The following EPCAM variants were observed in gnomAD, a reference collection of about 807,000 sequenced individuals.
EPCAM encodes adenocarcinoma-associated antigen.
In EPCAM, 39 loss-of-function variants were observed where a neutral mutation model predicts 40.0. The ratio of observed to expected loss-of-function variants is 0.98; its 90% CI spans 0.76 to 1.27. EPCAM has a LOEUF of 1.27. Among genes scored for constraint, EPCAM ranks in the 50% most tolerant of loss-of-function variants. The pLI is 0.00. For missense variants in EPCAM, 503 were observed against 381.2 expected (o/e 1.32, Z -2.66); for synonymous variants, 168 against 132.3 (o/e 1.27, Z -1.85).
chr2:47,379,131 C>A, intron 6 of EPCAM, 77 bp downstream of exon 6: 3 of 853,928 alleles, frequency 3.5e-6, no homozygotes, highest in East Asian at 4.9e-5. Context: ...TATTTCATCA[C>A]CTTTTTATCC....
At chr2:47,375,134 T>C in intron 3 of EPCAM, 100 bp from the exon 4 acceptor site, 1 of 872,634 alleles carries the variant, frequency 1.1e-6, no homozygotes, top group Non-Finnish European at 1.9e-6. Context: ...ATTTTTTTTC[T>C]CTTAGTCCTT....
intron 6 of EPCAM, 22 bp downstream of exon 6, chr2:47,379,076 C>G (rs1260678724): frequency 3.2e-6 from 4 of 1,239,506 alleles, no homozygotes; most frequent in Non-Finnish European, 4.8e-6. Flanking sequence ...CTTCTTTATT[C>G]CTGTGTTCAG....
At chr2:47,376,917 A>G in intron 4 of EPCAM, 97 bp from the exon 5 acceptor site, 1 of 769,978 alleles carries the variant, frequency 1.3e-6, no homozygotes, top group South Asian at 1.5e-5. Context: ...CTTTAATGAC[A>G]GTTTTAGACC....
intron 7 of EPCAM, among the ~76,000 whole-genome samples, chr2:47,381,222 C>G (rs1671580152): frequency 6.7e-6 from 1 of 150,116 alleles, no homozygotes; most frequent in African/African-American, 2.4e-5. Context: ...CGTGGAGAAA[C>G]CCCATCTCTA....
chr2:47,378,782 A>G (rs1573399112), intron 5 of EPCAM, among the ~76,000 whole-genome samples, 171 bp from the exon 6 acceptor site: 1 of 152,178 alleles, frequency 6.6e-6, no homozygotes, highest in African/African-American at 2.4e-5. Context: ...GAGACCTCCC[A>G]AAGATTTCTT....
chr2:47,369,727 C>A, intron 1 of EPCAM, 146 bp downstream of exon 1: 1 of 893,168 alleles, frequency 1.1e-6, no homozygotes, highest in Non-Finnish European at 1.8e-6. Flanking sequence ...TGCGGCCGTG[C>A]TCCGGCTCAG....
chr2:47,377,723 A>G, intron 5 of EPCAM: 1 of 424,204 alleles, frequency 2.4e-6, no homozygotes, highest in Non-Finnish European at 4.7e-6. Flanking sequence ...ACTTTTGGTA[A>G]ATACAGTTTT....
rs1671348919 is a variant in EPCAM, at chr2:47,373,822, T to C, written c.199T>C (p.Leu67=). ...TTCTTTTTCAGTGGCTGCCAAATGT[T>C]TGGTGATGAAGGCAGAAATGAATGG... ...VICSKLAAKC[L]VMKAEMNGSK... Residue 67 remains leucine, a synonymous_variant, in exon 3 of 9, where the codon TTG becomes CTG. Coordinates refer to ENST00000263735, the MANE Select transcript of EPCAM (RefSeq NM_002354.3). 6.2e-7 allele frequency: 1 copy of C among 1,614,154 alleles called. No individual in the cohort carries two copies. Among genetic ancestry groups the C allele is most frequent in the East Asian group, 2.2e-5 (1 of 44,880 alleles).
At chr2:47,376,542 G>A (rs551917857) in intron 4 of EPCAM, among the ~76,000 whole-genome samples, 1 of 152,248 alleles carries the variant, frequency 6.6e-6, no homozygotes, top group South Asian at 2.1e-4. Context: ...TTACAGGCAT[G>A]AGCCACCTCA....
chr2:47,377,426 G>A (rs1671455650), intron 5 of EPCAM, among the ~76,000 whole-genome samples: 1 of 151,834 alleles, frequency 6.6e-6, no homozygotes, highest in African/African-American at 2.4e-5. Flanking sequence ...TAGTGTCGGC[G>A]GGGTTTTGCT....
intron 1 of EPCAM, among the ~76,000 whole-genome samples, chr2:47,371,517 G>T (rs1040147090): frequency 1.1e-4 from 17 of 152,202 alleles, no homozygotes; most frequent in African/African-American, 3.9e-4. Flanking sequence ...CAATGGAGTG[G>T]CCTAAATTCA....
At chr2:47,373,409 C>A in intron 1 of EPCAM, 54 bp from the exon 2 acceptor site, 1 of 1,082,546 alleles carries the variant, frequency 9.2e-7, no homozygotes, top group Non-Finnish European at 1.4e-6. Context: ...TTAGCTGGGA[C>A]ATGAGAGTTA....
At chr2:47,373,008 C>G (rs1183592586) in intron 1 of EPCAM, among the ~76,000 whole-genome samples, 5 of 151,770 alleles carry the variant, frequency 3.3e-5, no homozygotes, top group African/African-American at 1.2e-4. Context: ...GAGTTCAAAA[C>G]CAGCCTGGGC....
intron 7 of EPCAM, among the ~76,000 whole-genome samples, chr2:47,382,576 C>T (rs927785070): frequency 7.2e-5 from 11 of 152,144 alleles, no homozygotes; most frequent in Admixed American, 4.6e-4. Flanking sequence ...ATTCTGGCTA[C>T]TCAGGAGGCT....
intron 7 of EPCAM, among the ~76,000 whole-genome samples, chr2:47,381,107 A>AAG (rs1671577054): frequency 6.9e-6 from 1 of 144,732 alleles, no homozygotes; most frequent in Admixed American, 7.0e-5. Flanking sequence ...AAAAAAAAAA[A>AAG]AAAAAAAGGC....
At chr2:47,373,229 A>AAAAAAC (rs1671326490) in intron 1 of EPCAM, among the ~76,000 whole-genome samples, 1 of 150,422 alleles carries the variant, frequency 6.6e-6, no homozygotes, top group Non-Finnish European at 1.5e-5. Context: ...AAAAAAAAAA[A>AAAAAAC]AAAAAACAGG....
chr2:47,381,710 G>A (rs370461372), intron 7 of EPCAM, among the ~76,000 whole-genome samples: 3 of 152,096 alleles, frequency 2.0e-5, no homozygotes, highest in African/African-American at 7.2e-5. Flanking sequence ...ACAACCTTGT[G>A]GTAGGGGAAA....
intron 1 of EPCAM, among the ~76,000 whole-genome samples, chr2:47,370,423 C>A (rs1374071995): frequency 1.3e-5 from 2 of 151,246 alleles, no homozygotes; most frequent in African/African-American, 2.4e-5. Context: ...ATTACAGGCG[C>A]GCGCCACCAC....
At chr2:47,376,302 G>A (rs529767636) in intron 4 of EPCAM, among the ~76,000 whole-genome samples, 2 of 148,960 alleles carry the variant, frequency 1.3e-5, no homozygotes, top group South Asian at 2.1e-4. Context: ...TGTTGCCCAG[G>A]CTGGAGTGCA....
Sources: gnomAD v4.1 joint callset for allele counts (sites outside exome capture counted in the v4.1 genomes callset) on GRCh38, gnomAD v4.1.1 for gene constraint, MANE v1.5 for transcripts, NCBI Gene and HGNC (gene_info 2026-07-23, HGNC 2026-07-21) for gene names.